The following PLCH1 variants were observed in gnomAD, a reference collection of about 807,000 sequenced individuals.
PLCH1 encodes phospholipase C eta 1, also known as 1-phosphatidylinositol 4,5-bisphosphate phosphodiesterase eta-1.
A neutral mutation model predicts 126.7 loss-of-function variants in PLCH1; 60 were observed. The ratio of observed to expected loss-of-function variants is 0.47; its 90% CI spans 0.38 to 0.59. The LOEUF (loss-of-function observed/expected upper bound fraction) is 0.59, where lower values mean the gene tolerates loss of function less well. Among genes scored for constraint, PLCH1 ranks in the 20% least tolerant of loss-of-function variants. The probability of loss-of-function intolerance (pLI) is 0.00; values close to 1 mark genes in which losing one functional copy is unlikely to be tolerated. For missense variants in PLCH1, 1,723 were observed against 2,040.0 expected (o/e 0.84, Z 2.99); for synonymous variants, 719 against 734.9 (o/e 0.98, Z 0.35).
chr3:155,566,498 T>C (rs898162480), intron 7 of PLCH1, among the ~76,000 whole-genome samples: 4 of 151,546 alleles, frequency 2.6e-5, no homozygotes, highest in African/African-American at 9.7e-5. Context: ...GTTAAAACCA[T>C]AGTGATACCA....
intron 21 of PLCH1, among the ~76,000 whole-genome samples, chr3:155,471,122 A>G (rs1713205397): frequency 6.6e-6 from 1 of 152,096 alleles, no homozygotes; most frequent in South Asian, 2.1e-4. Context: ...ATTAAAAGAC[A>G]CAGACTGGCA....
intron 15 of PLCH1, among the ~76,000 whole-genome samples, chr3:155,497,030 C>T (rs1381045571): frequency 6.6e-6 from 1 of 152,194 alleles, no homozygotes; most frequent in African/African-American, 2.4e-5. Flanking sequence ...TCAAGTGTTG[C>T]AGGAAGATCT....
intron 1 of PLCH1, chr3:155,743,406 C>T (rs1334435242): frequency 2.6e-6 from 1 of 383,698 alleles, no homozygotes; most frequent in East Asian, 7.6e-5. Flanking sequence ...GTGGCGGGAG[C>T]CTGTAATCCC....
chr3:155,568,587 T>A (rs1404590758), intron 6 of PLCH1, among the ~76,000 whole-genome samples: 1 of 152,208 alleles, frequency 6.6e-6, no homozygotes, highest in African/African-American at 2.4e-5. Context: ...TGAAATAAAA[T>A]CAGTTATCAA....
chr3:155,632,161 A>G (rs1460553276), intron 2 of PLCH1, among the ~76,000 whole-genome samples: 2 of 152,300 alleles, frequency 1.3e-5, no homozygotes, highest in East Asian at 3.9e-4. Context: ...GCAAGTGATC[A>G]TTATTGTGTC....
Position 155,670,817 on chromosome 3 carries a change from G to A in PLCH1, c.79+33329C>T, listed in dbSNP as rs569143095. Among the ~76,000 whole-genome samples the A allele has an allele frequency of 9.2e-5, 14 of 152,164 alleles. 1 individual carries two copies. In the South Asian group the frequency reaches 2.9e-3, roughly 32 times the overall value. ...CTCCTCAGGGAGATATTAAAAACAC[G>A]GCTAACCATTCTTACCCCACTGCTT... On this transcript the variant is annotated intron_variant, in intron 2 of 22. Coordinates refer to ENST00000460012, the MANE Select transcript of PLCH1 (RefSeq NM_014996.4).
intron 19 of PLCH1, among the ~76,000 whole-genome samples, chr3:155,490,387 C>G (rs1715996877): frequency 6.6e-6 from 1 of 151,982 alleles, no homozygotes; most frequent in Non-Finnish European, 1.5e-5. Context: ...TTTACATGCT[C>G]CAGAAAAAGT....
At chr3:155,532,619 C>T (rs1052786184) in intron 10 of PLCH1, among the ~76,000 whole-genome samples, 18 of 152,246 alleles carry the variant, frequency 1.2e-4, no homozygotes, top group Admixed American at 5.2e-4. Context: ...GGGCTCTTCC[C>T]ACTTCACACT....
chr3:155,731,520 G>A (rs1748771394), intron 1 of PLCH1, among the ~76,000 whole-genome samples: 1 of 152,130 alleles, frequency 6.6e-6, no homozygotes, highest in Non-Finnish European at 1.5e-5. Flanking sequence ...GCCTGCCCAT[G>A]AACCCCAAGA....
intron 10 of PLCH1, among the ~76,000 whole-genome samples, chr3:155,538,015 C>A (rs1315601107): frequency 6.6e-6 from 1 of 151,798 alleles, no homozygotes; most frequent in East Asian, 1.9e-4. Flanking sequence ...CAAGTCTCAA[C>A]GAATTTAAGA....
At chr3:155,509,332 G>C (rs1293874350) in intron 12 of PLCH1, among the ~76,000 whole-genome samples, 2 of 96,308 alleles carry the variant, frequency 2.1e-5, no homozygotes, top group Non-Finnish European at 3.8e-5. Context: ...TTTTTTGAAG[G>C]GTTTTTTGTG....
intron 2 of PLCH1, among the ~76,000 whole-genome samples, chr3:155,632,102 G>A (rs1199934130): frequency 6.6e-6 from 1 of 152,128 alleles, no homozygotes; most frequent in Non-Finnish European, 1.5e-5. Flanking sequence ...GTTTCACAGT[G>A]GCCATCAGCT....
chr3:155,667,806 T>G (rs1742900123), intron 2 of PLCH1, among the ~76,000 whole-genome samples: 2 of 149,616 alleles, frequency 1.3e-5, no homozygotes, highest in South Asian at 4.2e-4. Context: ...GGCACATGCC[T>G]GTAATCCCAG....
At chr3:155,648,669 G>A (rs1305244178) in intron 2 of PLCH1, among the ~76,000 whole-genome samples, 1 of 152,164 alleles carries the variant, frequency 6.6e-6, no homozygotes, top group Non-Finnish European at 1.5e-5. Flanking sequence ...ATTAAGCAGG[G>A]GTGATGGACA....
At chr3:155,683,311 T>C (rs1271043242) in intron 2 of PLCH1, among the ~76,000 whole-genome samples, 1 of 152,208 alleles carries the variant, frequency 6.6e-6, no homozygotes, top group East Asian at 1.9e-4. Flanking sequence ...CACTTTAAAT[T>C]TTATAGGTTA....
chr3:155,701,844 G>C (rs1490439703), intron 2 of PLCH1, among the ~76,000 whole-genome samples: 1 of 152,284 alleles, frequency 6.6e-6, no homozygotes, highest in East Asian at 1.9e-4. Context: ...AGAGGTAGAA[G>C]AAGAGCAAAA....
intron 4 of PLCH1, among the ~76,000 whole-genome samples, 194 bp downstream of exon 4, chr3:155,593,747 A>C (rs965952867): frequency 1.3e-5 from 2 of 152,180 alleles, no homozygotes; most frequent in Non-Finnish European, 2.9e-5. Context: ...ATACAAGCTT[A>C]AGTGTCCATA....
At chr3:155,633,411 A>ATC (rs777571169) in intron 2 of PLCH1, among the ~76,000 whole-genome samples, 4 of 114,178 alleles carry the variant, frequency 3.5e-5, no homozygotes. Flanking sequence ...ATTATATAAC[A>ATC]TCACACACAC....
intron 8 of PLCH1, among the ~76,000 whole-genome samples, chr3:155,557,701 T>A (rs1727011613): frequency 6.6e-6 from 1 of 152,154 alleles, no homozygotes; most frequent in Admixed American, 6.5e-5. Context: ...ATTCCCCTGC[T>A]CATAAAAGAG....
Sources: allele counts gnomAD v4.1 joint callset (sites outside exome capture counted in the v4.1 genomes callset), GRCh38; gene constraint gnomAD v4.1.1; transcripts MANE v1.5; gene names NCBI Gene and HGNC (gene_info 2026-07-23, HGNC 2026-07-21).